Variants in ZNRF3 observed in about 807,000 individuals in gnomAD.
ZNRF3 encodes the protein zinc and ring finger 3, also known as E3 ubiquitin-protein ligase ZNRF3.
ZNRF3 carries 23 observed loss-of-function variants against 72.5 expected under a neutral mutation model. That is an observed-to-expected ratio of 0.32 (90% CI 0.23 to 0.45). The LOEUF is 0.45. ZNRF3 is among the 20% of genes least tolerant of loss of function. The probability of loss-of-function intolerance (pLI) is 1.00; values close to 1 mark genes in which losing one functional copy is unlikely to be tolerated. For synonymous variants in ZNRF3, 610 were observed against 545.3 expected (o/e 1.12, Z -1.65); for missense variants, 1,169 against 1,272.1 (o/e 0.92, Z 1.23).
At chr22:28,900,451 G>A (rs572215307) in intron 1 of ZNRF3, among the ~76,000 whole-genome samples, 103 of 152,334 alleles carry the variant, frequency 6.8e-4, no homozygotes, top group African/African-American at 2.4e-3. Context: ...TTGGTATTGT[G>A]CAGTAAAATG....
intron 1 of ZNRF3, among the ~76,000 whole-genome samples, chr22:28,897,230 C>T (rs1045762411): frequency 1.3e-5 from 2 of 152,210 alleles, no homozygotes; most frequent in Non-Finnish European, 2.9e-5. Flanking sequence ...CCCAGTCTCT[C>T]ATTGTTGCCT....
At chr22:29,016,895 G>A (rs568654555) in intron 2 of ZNRF3, among the ~76,000 whole-genome samples, 8 of 152,226 alleles carry the variant, frequency 5.3e-5, no homozygotes, top group Non-Finnish European at 1.2e-4. Context: ...CAAGAAACAT[G>A]AAGTAGGAAG....
chr22:28,888,341 CT>C (rs1252811729), intron 1 of ZNRF3, among the ~76,000 whole-genome samples: 2 of 152,210 alleles, frequency 1.3e-5, no homozygotes, highest in Admixed American at 1.3e-4. Flanking sequence ...TTTAAGTTAA[CT>C]TAACAGGCCT....
chr22:29,033,350 CAA>C (rs60310622), intron 2 of ZNRF3, among the ~76,000 whole-genome samples: 374 of 66,084 alleles, frequency 5.7e-3, no homozygotes, highest in South Asian at 0.011. Flanking sequence ...GACTCCATCT[CAA>C]AAAAAAAAAA....
In ZNRF3 at chr22:28,999,856, T is replaced by TC. The variant is rs202084086; in HGVS notation, c.426+12656dup. ...CACCCCTAACCTCGGTGACATAAAT[T>TC]CTCACTGAATGTAGAGACAGAAGGA... On this transcript the variant is annotated intron_variant, in intron 2 of 8. Coordinates refer to ENST00000544604, the MANE Select transcript of ZNRF3 (RefSeq NM_001206998.2). Among the ~76,000 whole-genome samples the TC allele has an allele frequency of 9.9e-3, 1,506 of 152,248 alleles. 29 individuals are homozygous for TC. The highest frequency in any genetic ancestry group is 0.035 in the African/African-American group (1,448 of 41,530).
At chr22:28,907,236 G>T (rs945871604) in intron 1 of ZNRF3, among the ~76,000 whole-genome samples, 7 of 149,984 alleles carry the variant, frequency 4.7e-5, no homozygotes, top group Admixed American at 3.3e-4. Context: ...CAGGCAATCT[G>T]CCCACCTTGG....
intron 2 of ZNRF3, among the ~76,000 whole-genome samples, chr22:29,008,954 T>G (rs1011372348): frequency 2.0e-5 from 3 of 152,178 alleles, no homozygotes; most frequent in Non-Finnish European, 2.9e-5. Context: ...GGATGTTAAA[T>G]TTAGCTTGTG....
chr22:28,982,993 G>A (rs1229566087), intron 1 of ZNRF3, among the ~76,000 whole-genome samples: 1 of 152,172 alleles, frequency 6.6e-6, no homozygotes. Context: ...AGGGAACTTA[G>A]GGTGGAAGTG....
intron 1 of ZNRF3, among the ~76,000 whole-genome samples, chr22:28,920,255 C>T (rs1189759037): frequency 6.8e-6 from 1 of 147,476 alleles, no homozygotes; most frequent in Non-Finnish European, 1.5e-5. Context: ...TGTGAGCCAC[C>T]GTGCCTGGCC....
At chr22:28,920,333 C>T (rs1314344807) in intron 1 of ZNRF3, among the ~76,000 whole-genome samples, 1 of 150,704 alleles carries the variant, frequency 6.6e-6, no homozygotes, top group Non-Finnish European at 1.5e-5. Flanking sequence ...TGCAGTGGGG[C>T]AATCTTGGCT....
At chr22:29,001,187 G>A (rs1263674811) in intron 2 of ZNRF3, among the ~76,000 whole-genome samples, 2 of 144,128 alleles carry the variant, frequency 1.4e-5, no homozygotes, top group African/African-American at 5.1e-5. Context: ...TCCTGCCTCA[G>A]CCTCCCGAGT....
At chr22:29,036,068 T>TA (rs148337089) in intron 2 of ZNRF3, among the ~76,000 whole-genome samples, 28 of 152,278 alleles carry the variant, frequency 1.8e-4, no homozygotes, top group African/African-American at 6.3e-4. Flanking sequence ...ATATGTGGGT[T>TA]AAAAAAACAA....
intron 1 of ZNRF3, among the ~76,000 whole-genome samples, chr22:28,967,867 A>G (rs2035500430): frequency 6.6e-6 from 1 of 150,784 alleles, no homozygotes. Flanking sequence ...TTGAGGCTAC[A>G]GTGAGCTGAG....
chr22:28,899,595 A>G (rs1489007248), intron 1 of ZNRF3, among the ~76,000 whole-genome samples: 1 of 152,012 alleles, frequency 6.6e-6, no homozygotes, highest in African/African-American at 2.4e-5. Context: ...CTTATTCCCT[A>G]TATGTTCCCT....
In ZNRF3 at chr22:29,050,703, G is replaced by A; in HGVS notation, c.2522G>A (p.Gly841Asp). Reference sequence around the variant, plus strand: ...CCAGAGGATGTGGACTGTGATCTGGGCCTGCCCTCGGACTGCCAAGGGACC... The same window carrying A: ...CCAGAGGATGTGGACTGTGATCTGGACCTGCCCTCGGACTGCCAAGGGACC... ...IIPEDVDCDL[G>D]LPSDCQGTHS... is the part of the protein sequence containing the mutation. The change falls in exon 8 of 9, where the codon GGC becomes GAC. Residue 841 changes from glycine to aspartate, a missense_variant. Physicochemically the swap from Gly to Asp is moderately conservative, Grantham distance 94. Coordinates refer to ENST00000544604, the MANE Select transcript of ZNRF3 (RefSeq NM_001206998.2). 4 of 1,611,928 alleles carry A rather than the reference G, an allele frequency of 2.5e-6. No individual in the cohort carries two copies. Among genetic ancestry groups the A allele is most frequent in the East Asian group, 2.2e-5 (1 of 44,800 alleles).
intron 2 of ZNRF3, among the ~76,000 whole-genome samples, chr22:29,035,988 C>T (rs1265034008): frequency 1.3e-5 from 2 of 152,126 alleles, no homozygotes; most frequent in Non-Finnish European, 2.9e-5. Flanking sequence ...ATTATAGGTA[C>T]TAATCCAGCA....
At chr22:28,898,950 T>TA (rs1555965129) in intron 1 of ZNRF3, among the ~76,000 whole-genome samples, 4 of 141,638 alleles carry the variant, frequency 2.8e-5, no homozygotes, top group Non-Finnish European at 4.6e-5. Context: ...TTTTTTTTTT[T>TA]AACTGTTTTT....
intron 1 of ZNRF3, among the ~76,000 whole-genome samples, chr22:28,886,646 C>T (rs1043786665): frequency 1.2e-4 from 19 of 152,162 alleles, no homozygotes; most frequent in Non-Finnish European, 2.1e-4. Flanking sequence ...TTCAAAACTT[C>T]CTTTTATTTA....
Position 29,031,665 on chromosome 22 carries a change from A to C in ZNRF3, c.427-10830A>C. 5 of 981,060 alleles carry C rather than the reference A, an allele frequency of 5.1e-6. No homozygotes were observed. The South Asian group carries it at 2.4e-4, about 46-fold the overall frequency. The allele number at this position is 981,060 out of a possible 1,614,324, so 60.8% of individuals were successfully genotyped here. A position where few individuals can be genotyped will look rare whatever the true frequency, so the allele number is the denominator to read the frequency against. On this transcript the variant is annotated intron_variant, in intron 2 of 8. Transcript: ENST00000544604. ...TTAAAATCCACTTAGTGGCCTCCAG[A>C]GGGAGGGGGATAACAGGACTCAAAG...
Sources: allele counts gnomAD v4.1 joint callset (sites outside exome capture counted in the v4.1 genomes callset), GRCh38; gene constraint gnomAD v4.1.1; transcripts MANE v1.5; gene names NCBI Gene and HGNC (gene_info 2026-07-23, HGNC 2026-07-21).